EREG: variants seen among roughly 807,000 people sequenced by gnomAD.
EREG encodes the protein proepiregulin.
EREG carries 23 observed loss-of-function variants against 22.4 expected under a neutral mutation model. The ratio of observed to expected loss-of-function variants is 1.03; its 90% CI spans 0.74 to 1.46. The LOEUF is 1.46. EREG is among the 40% of genes most tolerant of loss of function. The pLI is 0.00. For missense variants in EREG, 226 were observed against 205.9 expected, an observed-to-expected ratio of 1.10 and a Z score of -0.60; for synonymous variants, 100 against 75.4, an observed-to-expected ratio of 1.33 and a Z score of -1.69.
At chr4:74,380,262 G>A (rs1241479264) in intron 2 of EREG, among the ~76,000 whole-genome samples, 4 of 116,652 alleles carry the variant, frequency 3.4e-5, no homozygotes, top group Admixed American at 1.0e-4. Flanking sequence ...AGCCTCCTCC[G>A]CATCATCTTT....
intron 1 of EREG, among the ~76,000 whole-genome samples, chr4:74,378,728 C>CTTG (rs1752424580): frequency 6.6e-6 from 1 of 152,196 alleles, no homozygotes; most frequent in Non-Finnish European, 1.5e-5. Context: ...ATGATTCCTA[C>CTTG]ACAATTCAGA....
chr4:74,382,672 A>C lies in EREG; in HGVS notation c.306A>C (p.Arg102=). The C allele has an allele frequency of 6.2e-7, 1 of 1,612,576 alleles. No homozygotes were observed. Among genetic ancestry groups the C allele is most frequent in the Non-Finnish European group, 8.5e-7 (1 of 1,179,240 alleles). Residue 102 remains arginine, a synonymous_variant, in exon 4 of 5, where the codon CGA becomes CGC. Coordinates refer to ENST00000244869, the MANE Select transcript of EREG (RefSeq NM_001432.3). ...GTGAAGTGGGTTATACTGGTGTCCG[A>C]TGTGAACACTTCTTTTTAACCGTCC... is the stretch of plus-strand genomic sequence containing the variant. The part of the protein sequence containing the change: ...CRCEVGYTGV[R]CEHFFLTVHQ...
chr4:74,382,374 T>A (rs1752493500), intron 3 of EREG: 1 of 315,282 alleles, frequency 3.2e-6, no homozygotes, highest in East Asian at 5.2e-5. Flanking sequence ...ATCTCAAACC[T>A]GTACAACTTA....
intron 1 of EREG, among the ~76,000 whole-genome samples, chr4:74,366,815 T>C (rs1197062635): frequency 1.3e-5 from 2 of 152,196 alleles, no homozygotes; most frequent in African/African-American, 4.8e-5. Flanking sequence ...TACTTAATTA[T>C]AGTTCATCTA....
intron 1 of EREG, among the ~76,000 whole-genome samples, chr4:74,376,468 T>G (rs1752384263): frequency 6.6e-6 from 1 of 152,226 alleles, no homozygotes; most frequent in African/African-American, 2.4e-5. Context: ...GTAGTGAAAG[T>G]ATGGTGAAAT....
intron 1 of EREG, among the ~76,000 whole-genome samples, chr4:74,370,784 T>C (rs1182455639): frequency 6.6e-6 from 1 of 152,070 alleles, no homozygotes; most frequent in African/African-American, 2.4e-5. Context: ...CTTAGAGAAA[T>C]CTAATCCAAA....
At chr4:74,379,641 A>G (rs1752441691) in intron 2 of EREG, 107 bp downstream of exon 2, 7 of 638,908 alleles carry the variant, frequency 1.1e-5, no homozygotes, top group African/African-American at 1.8e-5. Flanking sequence ...AAGGGTAAGA[A>G]TAGCTGCTAT....
intron 3 of EREG, chr4:74,382,426 C>A: frequency 2.3e-6 from 1 of 427,182 alleles, no homozygotes. Flanking sequence ...GACAGCTGAA[C>A]ACAACCGTCA....
At chr4:74,373,577 A>G (rs1752329061) in intron 1 of EREG, among the ~76,000 whole-genome samples, 1 of 150,094 alleles carries the variant, frequency 6.7e-6, no homozygotes, top group African/African-American at 2.4e-5. Context: ...GCAGAAGGCA[A>G]GGTTAGTTTT....
intron 2 of EREG, among the ~76,000 whole-genome samples, 159 bp from the exon 3 acceptor site, chr4:74,380,853 GGT>G (rs1752461022): frequency 1.3e-5 from 2 of 152,100 alleles, no homozygotes; most frequent in African/African-American, 4.8e-5. Context: ...TGGTCTAGGG[GGT>G]GTGACAACTA....
chr4:74,365,665 CTT>C (rs370338402), intron 1 of EREG, among the ~76,000 whole-genome samples: 17 of 139,096 alleles, frequency 1.2e-4, no homozygotes, highest in Middle Eastern at 3.8e-3. Context: ...GTTGAAAAAG[CTT>C]TTTTTTTTTT....
At chr4:74,370,075 G>A (rs562231903) in intron 1 of EREG, among the ~76,000 whole-genome samples, 41 of 152,256 alleles carry the variant, frequency 2.7e-4, no homozygotes, top group African/African-American at 8.7e-4. Context: ...GAATACGCTT[G>A]TATCCTTTAC....
intron 1 of EREG, among the ~76,000 whole-genome samples, chr4:74,367,585 G>A (rs1028170856): frequency 2.6e-5 from 4 of 152,072 alleles, no homozygotes; most frequent in Non-Finnish European, 4.4e-5. Flanking sequence ...TAATTTAGTC[G>A]TACTTCATCA....
intron 1 of EREG, 96 bp downstream of exon 1, chr4:74,365,471 C>T: frequency 9.6e-7 from 1 of 1,042,154 alleles, no homozygotes; most frequent in East Asian, 3.2e-5. Flanking sequence ...GGAGTTGTCT[C>T]CAGGTTCAAG....
intron 1 of EREG, among the ~76,000 whole-genome samples, chr4:74,370,275 C>T (rs951614184): frequency 6.6e-6 from 1 of 152,132 alleles, no homozygotes; most frequent in South Asian, 2.1e-4. Flanking sequence ...TAACTCTATC[C>T]CTCCTTGCTG....
At chr4:74,380,579 A>T (rs571622748) in intron 2 of EREG, among the ~76,000 whole-genome samples, 1 of 152,350 alleles carries the variant, frequency 6.6e-6, no homozygotes, top group Admixed American at 6.5e-5. Flanking sequence ...TCCACTGTAG[A>T]ATTAAGCTCC....
At position 74,385,900 on chromosome 4, in the gene EREG, A is replaced by G. The variant is rs1752560819; in HGVS notation, c.*1092A>G. 1 of 396,764 alleles carries G rather than the reference A, an allele frequency of 2.5e-6. No homozygotes were observed. The highest frequency in any genetic ancestry group is 4.4e-6 in the Non-Finnish European group (1 of 224,870). 24.6% of individuals were successfully genotyped at this position (396,764 alleles called of 1,614,324 possible). On this transcript the variant is annotated 3_prime_UTR_variant, in exon 5 of 5. Coordinates refer to ENST00000244869, the MANE Select transcript of EREG (RefSeq NM_001432.3). ...GTTATGTATTTAAAGTTGTATCTTG[A>G]CACAGGAAATGGGAAAAAACTTAAA... is the stretch of plus-strand genomic sequence containing the variant.
rs1477204507 is a variant in EREG, at chr4:74,388,186, G to A, written c.*3378G>A. The A allele has an allele frequency of 6.6e-6, 1 of 152,088 alleles. No homozygotes were observed. The highest frequency in any genetic ancestry group is 2.4e-5 in the African/African-American group (1 of 41,424). The allele number at this position is 152,088 out of a possible 1,614,324, so 9.4% of individuals were successfully genotyped here. A position where few individuals can be genotyped will look rare whatever the true frequency, so the allele number is the denominator to read the frequency against. On this transcript the variant is annotated 3_prime_UTR_variant, in exon 5 of 5. Coordinates refer to ENST00000244869, the MANE Select transcript of EREG (RefSeq NM_001432.3). ...TCAGTAATGCAGTTTTTAAAAACCT[G>A]TATCTGACCCACTTTGTAATTTTTG...
In EREG at chr4:74,373,258, A is replaced by G. The variant is rs557350253; in HGVS notation, c.68-6190A>G. 2.1e-3 allele frequency among the ~76,000 whole-genome samples: 314 copies of G among 152,208 alleles called. 3 individuals carry two copies. Among genetic ancestry groups the G allele is most frequent in the South Asian group, 0.019 (91 of 4,826 alleles). ...GCTTTAAGTATAGCATTGTATGATA[A>G]TATGTAAGCGAAATATATTAGCATT... On this transcript the variant is annotated intron_variant, in intron 1 of 4. Coordinates refer to ENST00000244869, the MANE Select transcript of EREG (RefSeq NM_001432.3).
Sources: gnomAD v4.1 joint callset for allele counts (sites outside exome capture counted in the v4.1 genomes callset) on GRCh38, gnomAD v4.1.1 for gene constraint, MANE v1.5 for transcripts, NCBI Gene and HGNC (gene_info 2026-07-23, HGNC 2026-07-21) for gene names.